The following HSPA14 variants were observed in gnomAD, a reference collection of about 807,000 sequenced individuals.
The protein encoded by HSPA14 is heat shock protein family A (Hsp70) member 14.
HSPA14 carries 37 observed loss-of-function variants against 65.5 expected under a neutral mutation model. The observed-to-expected ratio is 0.56, with a 90% CI of 0.43 to 0.74. HSPA14 has a LOEUF of 0.74. Ranked by LOEUF, HSPA14 falls within the 30% of genes least tolerant of loss-of-function variation. The pLI, the probability that HSPA14 is intolerant of heterozygous loss-of-function variation, is 0.00. For synonymous variants in HSPA14, 203 were observed against 214.2 expected (o/e 0.95, Z 0.46); for missense variants, 564 against 607.6 (o/e 0.93, Z 0.75).
intron 12 of HSPA14, 36 bp downstream of exon 12, chr10:14,867,945 A>C (rs376270248): frequency 1.3e-6 from 2 of 1,547,046 alleles, no homozygotes; most frequent in Non-Finnish European, 1.8e-6. Context: ...AAACTGTTCA[A>C]CTTTGCTTTC....
At chr10:14,840,039 G>GTT (rs772333738) in intron 2 of HSPA14, 36 bp from the exon 3 acceptor site, 11 of 1,303,186 alleles carry the variant, frequency 8.4e-6, no homozygotes, top group African/African-American at 4.8e-5. Flanking sequence ...TACATACATT[G>GTT]TAATATATAT....
rs373267827 is a variant in HSPA14, at chr10:14,855,827, G to A, written c.891-14G>A. The A allele has an allele frequency of 2.3e-4, 311 of 1,344,128 alleles. No homozygotes were observed. The highest frequency in any genetic ancestry group is 3.1e-4 in the Non-Finnish European group (289 of 937,438). The allele number at this position is 1,344,128 out of a possible 1,614,324, so 83.3% of individuals were successfully genotyped here. A position where few individuals can be genotyped will look rare whatever the true frequency, so the allele number is the denominator to read the frequency against. ...TGTGTCTGTGTGTTTCTGTGTGTGTGTATGTGTGTACAGAGCAAGATTTGA... is the reference window on the plus strand; with the variant it reads ...TGTGTCTGTGTGTTTCTGTGTGTGTATATGTGTGTACAGAGCAAGATTTGA... On this transcript the variant is annotated splice_polypyrimidine_tract_variant and intron_variant, in intron 9 of 13. Transcript: ENST00000378372.
At chr10:14,870,759 GAAGA>G in intron 13 of HSPA14, 92 bp downstream of exon 13, 1 of 1,182,306 alleles carries the variant, frequency 8.5e-7, no homozygotes, top group South Asian at 1.7e-5. Context: ...TGTCATTCTA[GAAGA>G]AACATTAAAA....
chr10:14,870,735 A>AT (rs899573715), intron 13 of HSPA14, 68 bp downstream of exon 13: 31 of 1,322,742 alleles, frequency 2.3e-5, no homozygotes, highest in Middle Eastern at 2.3e-4. Flanking sequence ...GAGTTTATTG[A>AT]TTTTTTTATT....
chr10:14,844,053 A>G (rs1834011656), intron 3 of HSPA14: 19 of 1,437,200 alleles, frequency 1.3e-5, no homozygotes, highest in South Asian at 1.5e-5. Flanking sequence ...TCATTTTCCC[A>G]AGATTCTCCA....
chr10:14,864,480 C>G (rs999412171), intron 10 of HSPA14, among the ~76,000 whole-genome samples: 2 of 151,938 alleles, frequency 1.3e-5, no homozygotes, highest in Non-Finnish European at 2.9e-5. Flanking sequence ...ATCCCTCCCC[C>G]CTACCCCCAC....
chr10:14,852,076 C>A (rs1158266665), intron 7 of HSPA14, among the ~76,000 whole-genome samples: 1 of 152,194 alleles, frequency 6.6e-6, no homozygotes, highest in South Asian at 2.1e-4. Flanking sequence ...TCTTAAAATT[C>A]ACTATAATCA....
rs943123468 is a variant in HSPA14, at chr10:14,845,893, T to A, written c.222-2716T>A. On this transcript the variant is annotated intron_variant, in intron 3 of 13. Coordinates refer to ENST00000378372, the MANE Select transcript of HSPA14 (RefSeq NM_016299.4). ...TGCCTCAATTTCTTTATCTCCGGAT[T>A]GAGGGATTTGTATTAGATTTTTTTT... The A allele has an allele frequency of 2.4e-5, 11 of 464,688 alleles. No homozygotes were observed. In the East Asian group the frequency reaches 1.7e-3, roughly 70 times the overall value. The allele number at this position is 464,688 out of a possible 1,614,324, so 28.8% of individuals were successfully genotyped here. A position where few individuals can be genotyped will look rare whatever the true frequency, so the allele number is the denominator to read the frequency against.
intron 10 of HSPA14, among the ~76,000 whole-genome samples, chr10:14,863,191 T>C (rs143153706): frequency 2.3e-4 from 35 of 152,318 alleles, no homozygotes; most frequent in African/African-American, 8.4e-4. Context: ...TTTTCTGCAA[T>C]AATTTATAAT....
intron 3 of HSPA14, among the ~76,000 whole-genome samples, chr10:14,841,512 A>G (rs1274789097): frequency 1.3e-5 from 2 of 152,202 alleles, no homozygotes; most frequent in South Asian, 2.1e-4. Flanking sequence ...TTGCAAAATT[A>G]TAGTACAGTG....
intron 3 of HSPA14, chr10:14,841,049 T>C (rs548551841): frequency 6.6e-6 from 1 of 152,320 alleles, no homozygotes; most frequent in Non-Finnish European, 1.5e-5. Flanking sequence ...CTGGTGTTGA[T>C]TTAGAATTGG....
chr10:14,852,633 G>T, intron 8 of HSPA14, 102 bp downstream of exon 8: 1 of 969,230 alleles, frequency 1.0e-6, no homozygotes, highest in Non-Finnish European at 1.5e-6. Context: ...CTGCAAAGGA[G>T]GATGTGGTTT....
At chr10:14,844,901 C>T (rs1834029632) in intron 3 of HSPA14, 1 of 985,366 alleles carries the variant, frequency 1.0e-6, no homozygotes, top group Non-Finnish European at 1.2e-6. Flanking sequence ...GTATGTTATA[C>T]AGGGCAAGCC....
chr10:14,862,211 G>A (rs1832756054), intron 10 of HSPA14, among the ~76,000 whole-genome samples: 1 of 150,192 alleles, frequency 6.7e-6, no homozygotes, highest in Non-Finnish European at 1.5e-5. Flanking sequence ...TGTATTTTTA[G>A]TAGAGATGGG....
intron 10 of HSPA14, among the ~76,000 whole-genome samples, chr10:14,862,242 A>G (rs992772766): frequency 6.6e-6 from 1 of 151,262 alleles, no homozygotes; most frequent in Non-Finnish European, 1.5e-5. Context: ...GTTAGCCAGC[A>G]TGGTCTCAAT....
intron 1 of HSPA14, 199 bp downstream of exon 1, chr10:14,838,658 C>T (rs937002933): frequency 1.0e-4 from 54 of 537,812 alleles, no homozygotes; most frequent in Admixed American, 1.5e-4. Context: ...TCGTCTACTC[C>T]GCGGCGGAGG....
chr10:14,848,844 A>C lies in HSPA14; in HGVS notation c.325A>C (p.Lys109Gln), dbSNP rs1834085895. Residue 109 changes from lysine to glutamine, a missense_variant, in exon 5 of 14, where the codon AAA becomes CAA. Lys to Gln is a moderately conservative substitution (Grantham distance 53). Transcript: ENST00000378372. ...RYEIDTGEET[K>Q]FVNPEDVARL... ...TGAAATAGATACTGGAGAAGAAACA[A>C]AATTTGTTAACCCAGAAGATGTTGC... is the stretch of plus-strand genomic sequence containing the variant. 1 of 1,596,058 alleles carries C rather than the reference A, an allele frequency of 6.3e-7. No homozygotes were observed. Among genetic ancestry groups the C allele is most frequent in the African/African-American group, 1.3e-5 (1 of 74,634 alleles).
intron 3 of HSPA14, among the ~76,000 whole-genome samples, chr10:14,847,468 T>C (rs1269563628): frequency 6.6e-6 from 1 of 152,200 alleles, no homozygotes; most frequent in Non-Finnish European, 1.5e-5. Flanking sequence ...TACTAAACTT[T>C]GTATTGAAGT....
In HSPA14 at chr10:14,848,849, T is replaced by C. The variant is rs780962885; in HGVS notation, c.330T>C (p.Phe110=). Residue 110 remains phenylalanine (F), a synonymous_variant, in exon 5 of 14, where the codon TTT becomes TTC. Transcript: ENST00000378372. ...YEIDTGEETK[F]VNPEDVARLI... ...TAGATACTGGAGAAGAAACAAAATTTGTTAACCCAGAAGATGTTGCCAGAC... is the reference window on the plus strand; with the variant it reads ...TAGATACTGGAGAAGAAACAAAATTCGTTAACCCAGAAGATGTTGCCAGAC... 6.3e-7 allele frequency: 1 copy of C among 1,595,098 alleles called. No individual in the cohort carries two copies. Among genetic ancestry groups the C allele is most frequent in the East Asian group, 2.2e-5 (1 of 44,572 alleles).
Sources: gnomAD v4.1 joint callset for allele counts (sites outside exome capture counted in the v4.1 genomes callset) on GRCh38, gnomAD v4.1.1 for gene constraint, MANE v1.5 for transcripts, NCBI Gene and HGNC (gene_info 2026-07-23, HGNC 2026-07-21) for gene names.